CACNA1D: variants seen among roughly 807,000 people sequenced by gnomAD.
The protein encoded by CACNA1D is calcium voltage-gated channel subunit alpha1 D.
Under a neutral mutation model 257.1 loss-of-function variants are expected in CACNA1D, and 55 were observed. That is an observed-to-expected ratio of 0.21 (90% CI 0.17 to 0.27). The LOEUF (loss-of-function observed/expected upper bound fraction) is 0.27, where lower values mean the gene tolerates loss of function less well. Ranked by LOEUF, CACNA1D falls within the 10% of genes least tolerant of loss-of-function variation. The pLI is 1.00. For missense variants in CACNA1D, 1,876 were observed against 2,784.0 expected (o/e 0.67, Z 7.34); for synonymous variants, 980 against 1,014.9 (o/e 0.97, Z 0.65).
At chr3:53,722,219 T>C in intron 11 of CACNA1D, 95 bp from the exon 12 acceptor site, 2 of 1,390,842 alleles carry the variant, frequency 1.4e-6, no homozygotes, top group Non-Finnish European at 1.0e-6. Context: ...AATCTAGACC[T>C]CCAGAGTGAA....
intron 9 of CACNA1D, among the ~76,000 whole-genome samples, chr3:53,717,349 G>A (rs978117237): frequency 3.3e-5 from 5 of 152,204 alleles, no homozygotes; most frequent in Non-Finnish European, 7.3e-5. Flanking sequence ...TTCCAGGTGG[G>A]TGCAGTGCTG....
chr3:53,505,864 G>A (rs1286293172), intron 3 of CACNA1D, among the ~76,000 whole-genome samples: 1 of 152,198 alleles, frequency 6.6e-6, no homozygotes, highest in Non-Finnish European at 1.5e-5. Context: ...GCTTGCCTGT[G>A]GCACCAGATG....
chr3:53,749,215 G>A (rs1203903877), intron 26 of CACNA1D, 53 bp from the exon 27 acceptor site: 1 of 1,318,980 alleles, frequency 7.6e-7, no homozygotes, highest in Admixed American at 1.8e-5. Flanking sequence ...AGCGGGCTGG[G>A]CCGTGTGGGC....
At chr3:53,613,606 G>A (rs969899740) in intron 3 of CACNA1D, among the ~76,000 whole-genome samples, 1 of 151,964 alleles carries the variant, frequency 6.6e-6, no homozygotes, top group Admixed American at 6.6e-5. Context: ...GAACTCTTTG[G>A]AAACCATAAT....
chr3:53,721,995 T>C (rs2094888026), intron 11 of CACNA1D, among the ~76,000 whole-genome samples: 1 of 152,228 alleles, frequency 6.6e-6, no homozygotes, highest in South Asian at 2.1e-4. Flanking sequence ...CATCTGCACG[T>C]GAATCTATGA....
At chr3:53,674,777 A>C (rs1461043011) in intron 8 of CACNA1D, among the ~76,000 whole-genome samples, 2 of 152,208 alleles carry the variant, frequency 1.3e-5, no homozygotes, top group Non-Finnish European at 1.5e-5. Context: ...GGGGGCAGGC[A>C]GGATACCAGG....
intron 29 of CACNA1D, among the ~76,000 whole-genome samples, chr3:53,757,559 C>T (rs2095273268): frequency 6.6e-6 from 1 of 152,218 alleles, no homozygotes. Context: ...CAAAGCTGAC[C>T]AGACCACTCT....
rs2095472048 is a variant in CACNA1D, at chr3:53,789,310, A to G, written c.4923+2358A>G. Among the ~76,000 whole-genome samples the G allele has an allele frequency of 6.6e-6, 1 of 152,218 alleles. No homozygotes were observed. The highest frequency in any genetic ancestry group is 1.5e-5 in the Non-Finnish European group (1 of 68,036). On this transcript the variant is annotated intron_variant, in intron 40 of 47. Coordinates refer to ENST00000350061, the MANE Select transcript of CACNA1D (RefSeq NM_001128840.3). This position sits in a 1 kb window ranked among gnomAD's most constrained non-coding sequence, Gnocchi z 4.2. ...AGTTGTGTTCATAATCTTAATAGAG[A>G]AACTGAAAATGTACTTGATTCTGAA...
At chr3:53,639,172 C>T (rs1247091134) in intron 3 of CACNA1D, among the ~76,000 whole-genome samples, 9 of 152,132 alleles carry the variant, frequency 5.9e-5, no homozygotes, top group Non-Finnish European at 1.2e-4. Flanking sequence ...GAGACGGAGT[C>T]TTGCTCTGTT....
rs3836506 is a variant in CACNA1D at position 53,637,441 on chromosome 3, G to GT, written c.484-13328dup. Among the ~76,000 whole-genome samples, 1,105 of 150,288 alleles carry GT rather than the reference G, an allele frequency of 7.4e-3. 13 individuals are homozygous for GT. The highest frequency in any genetic ancestry group is 0.025 in the African/African-American group (1,018 of 41,068). ...ATTTTTATATTCTTGCTGCTCTAAGGTTTTTTTTTTGGAGCAAGGAAAGCA... is the reference window on the plus strand; with the variant it reads ...ATTTTTATATTCTTGCTGCTCTAAGGTTTTTTTTTTTGGAGCAAGGAAAGCA... On this transcript the variant is annotated intron_variant, in intron 3 of 47. Coordinates refer to ENST00000350061, the MANE Select transcript of CACNA1D (RefSeq NM_001128840.3).
At chr3:53,597,486 G>A (rs1003484238) in intron 3 of CACNA1D, among the ~76,000 whole-genome samples, 4 of 152,206 alleles carry the variant, frequency 2.6e-5, no homozygotes, top group African/African-American at 9.7e-5. Flanking sequence ...CTTTTCTCAG[G>A]CTAGTAGAAG....
intron 43 of CACNA1D, 90 bp from the exon 44 acceptor site, chr3:53,803,333 G>C: frequency 6.8e-7 from 1 of 1,472,002 alleles, no homozygotes; most frequent in Admixed American, 1.7e-5. Context: ...GAGCACCCGG[G>C]CAGGGTTGCC....
intron 3 of CACNA1D, among the ~76,000 whole-genome samples, chr3:53,606,461 C>G (rs2093512175): frequency 6.6e-6 from 1 of 152,208 alleles, no homozygotes; most frequent in Non-Finnish European, 1.5e-5. Flanking sequence ...GCCTCCACAC[C>G]TTGGTGGGAA....
intron 29 of CACNA1D, among the ~76,000 whole-genome samples, chr3:53,758,440 C>T (rs1470384420): frequency 2.0e-5 from 3 of 152,144 alleles, no homozygotes; most frequent in Non-Finnish European, 4.4e-5. Context: ...CATTTGCAAC[C>T]GTTCCACAAA....
chr3:53,737,055 T>C (rs1019801698), intron 20 of CACNA1D, among the ~76,000 whole-genome samples: 1 of 152,114 alleles, frequency 6.6e-6, no homozygotes, highest in Non-Finnish European at 1.5e-5. Flanking sequence ...TCCCAGCACT[T>C]TGGGAGGCCG....
chr3:53,501,094 A>T (rs2107122597), intron 2 of CACNA1D, among the ~76,000 whole-genome samples: 1 of 152,324 alleles, frequency 6.6e-6, no homozygotes, highest in Admixed American at 6.5e-5. Context: ...AGGTAGAATG[A>T]GAAGGTCCTG....
intron 2 of CACNA1D, among the ~76,000 whole-genome samples, chr3:53,499,412 G>A (rs1000373933): frequency 6.6e-6 from 1 of 151,998 alleles, no homozygotes; most frequent in Non-Finnish European, 1.5e-5. Context: ...GGCCCCATCC[G>A]CAGTGGGAGA....
intron 4 of CACNA1D, among the ~76,000 whole-genome samples, chr3:53,656,967 A>G (rs372688109): frequency 2.8e-4 from 43 of 152,308 alleles, no homozygotes; most frequent in African/African-American, 9.4e-4. Flanking sequence ...GAAATGGAAA[A>G]TGGTATAATC....
intron 8 of CACNA1D, among the ~76,000 whole-genome samples, chr3:53,685,189 G>A (rs2094464105): frequency 6.6e-6 from 1 of 151,802 alleles, no homozygotes; most frequent in South Asian, 2.1e-4. Context: ...TTGGACTTTA[G>A]TATAAGGAAC....
Sources: allele counts gnomAD v4.1 joint callset (sites outside exome capture counted in the v4.1 genomes callset), GRCh38; gene constraint gnomAD v4.1.1; non-coding constraint Gnocchi (gnomAD v3.1); transcripts MANE v1.5; gene names NCBI Gene and HGNC (gene_info 2026-07-23, HGNC 2026-07-21).